Variants in PAX5 observed in about 807,000 individuals in gnomAD.
PAX5 encodes the protein paired box 5.
PAX5 carries 9 observed loss-of-function variants against 43.7 expected under a neutral mutation model. That is an observed-to-expected ratio of 0.21 (90% confidence interval 0.12 to 0.36). The LOEUF (loss-of-function observed/expected upper bound fraction) is 0.36, where lower values mean the gene tolerates loss of function less well. PAX5 is among the 10% of genes least tolerant of loss of function. PAX5 has a pLI of 1.00. For missense variants in PAX5, 383 were observed against 532.7 expected (o/e 0.72, Z 2.77); for synonymous variants, 228 against 214.3 (o/e 1.06, Z -0.56).
chr9:36,986,672 G>C (rs1836450474), intron 5 of PAX5, among the ~76,000 whole-genome samples: 1 of 152,106 alleles, frequency 6.6e-6, no homozygotes, highest in Non-Finnish European at 1.5e-5. Flanking sequence ...AGGACTCCCG[G>C]CCGGTGGGCG....
chr9:36,837,439 A>T lies in PAX5; in HGVS notation c.*3121T>A. Reference sequence around the variant, plus strand: ...AAAATCCACAATGTCCTTTTCCAAAAGTCAGAGCTCGAACACAGGGAAGAA... The same window carrying T: ...AAAATCCACAATGTCCTTTTCCAAATGTCAGAGCTCGAACACAGGGAAGAA... On this transcript the variant is annotated 3_prime_UTR_variant, in exon 10 of 10. Coordinates refer to ENST00000358127, the MANE Select transcript of PAX5 (RefSeq NM_016734.3). The T allele has an allele frequency of 4.3e-6, 1 of 233,334 alleles. No homozygotes were observed. The highest frequency in any genetic ancestry group is 8.5e-6 in the Non-Finnish European group (1 of 118,064). 14.5% of individuals were successfully genotyped at this position (233,334 alleles called of 1,614,324 possible). A position where few individuals can be genotyped will look rare whatever the true frequency, so the allele number is the denominator to read the frequency against.
Position 37,024,341 on chromosome 9 carries a change from C to T in PAX5, c.47-3540G>A, listed in dbSNP as rs1888017. Among the ~76,000 whole-genome samples, 380 of 152,008 alleles carry T rather than the reference C, an allele frequency of 2.5e-3. 3 individuals carry two copies. The highest frequency in any genetic ancestry group is 8.5e-3 in the African/African-American group (354 of 41,434). On this transcript the variant is annotated intron_variant, in intron 1 of 9. Transcript: ENST00000358127. ...CCTGCTCCTCTCCAAAGAAGCTATCCGGCTCTGAAGCAGTGGTGGGGGGAA... is the reference window on the plus strand; with the variant it reads ...CCTGCTCCTCTCCAAAGAAGCTATCTGGCTCTGAAGCAGTGGTGGGGGGAA...
At chr9:36,858,267 CT>C (rs199788096) in intron 8 of PAX5, among the ~76,000 whole-genome samples, 2,926 of 152,162 alleles carry the variant, frequency 0.019, 50 homozygotes, top group Non-Finnish European at 0.029. Context: ...TACATTGGGA[CT>C]TTTTTTTGAG....
At chr9:36,943,574 A>AT (rs1832248108) in intron 6 of PAX5, among the ~76,000 whole-genome samples, 1 of 151,572 alleles carries the variant, frequency 6.6e-6, no homozygotes, top group East Asian at 1.9e-4. Context: ...ACACAGCTAC[A>AT]TATTTGCAAG....
rs1402577876 is a variant in PAX5, at chr9:36,836,861, C to A, written c.*3699G>T. On this transcript the variant is annotated 3_prime_UTR_variant, in exon 10 of 10. Transcript: ENST00000358127. ...GGCTGGACCCATGTCCAGGCCTGGTCAGGGATTATGGCATGGCCTTGAATT... is the reference window on the plus strand; with the variant it reads ...GGCTGGACCCATGTCCAGGCCTGGTAAGGGATTATGGCATGGCCTTGAATT... 4.3e-6 allele frequency: 1 copy of A among 232,360 alleles called. No homozygotes were observed. Among genetic ancestry groups the A allele is most frequent in the Admixed American group, 5.6e-5 (1 of 17,750 alleles). The allele number at this position is 232,360 out of a possible 1,614,324, so 14.4% of individuals were successfully genotyped here. A position where few individuals can be genotyped will look rare whatever the true frequency, so the allele number is the denominator to read the frequency against.
At chr9:36,949,356 G>A (rs1162589609) in intron 6 of PAX5, among the ~76,000 whole-genome samples, 8 of 152,118 alleles carry the variant, frequency 5.3e-5, no homozygotes, top group Non-Finnish European at 7.4e-5. Flanking sequence ...CACCGTGCCC[G>A]GCCAACACAA....
At chr9:36,864,337 CTGA>C (rs1259767657) in intron 8 of PAX5, 1 of 154,338 alleles carries the variant, frequency 6.5e-6, no homozygotes, top group Non-Finnish European at 1.5e-5. Context: ...CCACTAGAGC[CTGA>C]GGAGTTCCAG....
At chr9:36,905,631 G>A (rs146557751) in intron 7 of PAX5, among the ~76,000 whole-genome samples, 164 of 152,260 alleles carry the variant, frequency 1.1e-3, no homozygotes, top group African/African-American at 3.6e-3. Context: ...AGACGGGCCT[G>A]GATAAAGGTT....
chr9:37,016,503 AG>A (rs1839396473), intron 2 of PAX5, among the ~76,000 whole-genome samples: 1 of 152,226 alleles, frequency 6.6e-6, no homozygotes, highest in African/African-American at 2.4e-5. Context: ...ATAGGATGTC[AG>A]GGTTTTACAG....
At position 36,882,056 on chromosome 9, in the gene PAX5, G is replaced by A. The variant is rs1182014370; in HGVS notation, c.960C>T (p.Pro320=). The change falls in exon 8 of 10, where the codon CCC becomes CCT. Residue 320 remains proline (P), a synonymous_variant. Transcript: ENST00000358127. This position sits in a 1 kb window ranked among gnomAD's most constrained non-coding sequence, Gnocchi z 4.4. The part of the protein sequence containing the change: ...TTLPGYPPHV[P]PAGQGSYSAP... The stretch of plus-strand genomic sequence containing the variant: ...CTGAGTAGCTGCCCTGTCCAGCGGG[G>A]GGGACGTGTGGAGGGTACCCGGGGA... 2.5e-6 allele frequency: 4 copies of A among 1,611,694 alleles called. No individual in the cohort carries two copies. Among genetic ancestry groups the A allele is most frequent in the Non-Finnish European group, 3.4e-6 (4 of 1,178,534 alleles).
At chr9:36,944,987 G>A (rs1430276566) in intron 6 of PAX5, among the ~76,000 whole-genome samples, 1 of 152,218 alleles carries the variant, frequency 6.6e-6, no homozygotes, top group Non-Finnish European at 1.5e-5. Flanking sequence ...ACCCAGGCCT[G>A]AAGCCACGCA....
chr9:36,874,796 T>G (rs866594483), intron 8 of PAX5, among the ~76,000 whole-genome samples: 19 of 152,302 alleles, frequency 1.2e-4, no homozygotes, highest in South Asian at 6.2e-4. Context: ...GCTCTTGATT[T>G]GAGCGTTAGC....
chr9:36,989,174 G>T (rs1374030889), intron 5 of PAX5, among the ~76,000 whole-genome samples: 4 of 152,210 alleles, frequency 2.6e-5, no homozygotes, highest in Admixed American at 2.6e-4. Flanking sequence ...AGGTCCCCCT[G>T]AGCTCAGCCA....
At chr9:36,969,764 C>T (rs752909054) in intron 5 of PAX5, among the ~76,000 whole-genome samples, 10 of 152,234 alleles carry the variant, frequency 6.6e-5, no homozygotes, top group Non-Finnish European at 1.3e-4. Context: ...GGGTGGACTG[C>T]CCTCGAAGGG....
intron 8 of PAX5, among the ~76,000 whole-genome samples, chr9:36,863,938 G>A (rs926956584): frequency 4.6e-5 from 7 of 152,248 alleles, no homozygotes; most frequent in Middle Eastern, 3.4e-3. Flanking sequence ...GTGAAACCCC[G>A]TCTCTACTAA....
chr9:36,931,587 G>A (rs957968544), intron 6 of PAX5, among the ~76,000 whole-genome samples: 8 of 152,232 alleles, frequency 5.3e-5, no homozygotes, highest in African/African-American at 1.4e-4. Flanking sequence ...GGTGGCTCAC[G>A]CCTGTAATTA....
At position 36,997,135 on chromosome 9, in the gene PAX5, C is replaced by T. The variant is rs191603940; in HGVS notation, c.604+5513G>A. On this transcript the variant is annotated intron_variant, in intron 5 of 9. Transcript: ENST00000358127. ...CCTGGCTAAATGCCCCCCAACAAAC[C>T]TCCCCATGAGAGTCTCATCAGACTT... 1.4e-3 allele frequency among the ~76,000 whole-genome samples: 211 copies of T among 152,236 alleles called. 1 individual carries two copies. The highest frequency in any genetic ancestry group is 4.9e-3 in the African/African-American group (205 of 41,542).
intron 8 of PAX5, among the ~76,000 whole-genome samples, chr9:36,866,080 T>C (rs1265728862): frequency 6.6e-6 from 1 of 152,130 alleles, no homozygotes; most frequent in Non-Finnish European, 1.5e-5. Context: ...CTCAAATCCA[T>C]TTTGGAAGTC....
At chr9:36,940,432 C>G (rs1417217107) in intron 6 of PAX5, among the ~76,000 whole-genome samples, 1 of 152,120 alleles carries the variant, frequency 6.6e-6, no homozygotes, top group Admixed American at 6.5e-5. Context: ...AGGAGCCACT[C>G]TTTGTGGAAA....
Sources: allele counts gnomAD v4.1 joint callset (sites outside exome capture counted in the v4.1 genomes callset), GRCh38; gene constraint gnomAD v4.1.1; non-coding constraint Gnocchi (gnomAD v3.1); transcripts MANE v1.5; gene names NCBI Gene and HGNC (gene_info 2026-07-23, HGNC 2026-07-21).